The following HDAC9 variants were observed in gnomAD, a reference collection of about 807,000 sequenced individuals.
HDAC9 encodes MEF-2 interacting transcription repressor (MITR) protein.
In HDAC9, 41 loss-of-function variants were observed where a neutral mutation model predicts 139.4. The ratio of observed to expected loss-of-function variants is 0.29; its 90% CI spans 0.23 to 0.38. HDAC9 has a LOEUF of 0.38. Ranked by LOEUF, HDAC9 falls within the 10% of genes least tolerant of loss-of-function variation. The pLI, the probability that HDAC9 is intolerant of heterozygous loss-of-function variation, is 1.00. For missense variants in HDAC9, 1,147 were observed against 1,297.0 expected, an observed-to-expected ratio of 0.88 and a Z score of 1.78; for synonymous variants, 517 against 476.2, an observed-to-expected ratio of 1.09 and a Z score of -1.12.
Position 18,667,955 on chromosome 7 carries a change from G to T in HDAC9, c.1731+1479G>T, listed in dbSNP as rs1795284458. ...CAAATTGACCTAGAATCTTTGTGAGGTTTTTTCTATTAAAATATTTATATT... is the reference window on the plus strand; with the variant it reads ...CAAATTGACCTAGAATCTTTGTGAGTTTTTTTCTATTAAAATATTTATATT... On this transcript the variant is annotated intron_variant, in intron 12 of 25. Transcript: ENST00000686413. 6.2e-6 allele frequency: 6 copies of T among 975,470 alleles called. No homozygotes were observed. In the South Asian group the frequency reaches 2.4e-4, roughly 39 times the overall value. The allele number at this position is 975,470 out of a possible 1,614,324, so 60.4% of individuals were successfully genotyped here.
In HDAC9 at chr7:18,687,729, T is replaced by C. The variant is rs568279394; in HGVS notation, c.1731+21253T>C. On this transcript the variant is annotated intron_variant, in intron 12 of 25. Coordinates refer to ENST00000686413, the MANE Select transcript of HDAC9 (RefSeq NM_178425.4). ...TATCCTGACTCAAAATGAATAGGAA[T>C]TCAGAAAGGGAAGAAGAGGGAAAGC... 3.9e-5 allele frequency among the ~76,000 whole-genome samples: 6 copies of C among 151,982 alleles called. No homozygotes were observed. The South Asian group carries it at 1.2e-3, about 31-fold the overall frequency.
intron 2 of HDAC9, among the ~76,000 whole-genome samples, chr7:18,524,587 G>T (rs949957384): frequency 6.6e-6 from 1 of 152,026 alleles, no homozygotes; most frequent in Non-Finnish European, 1.5e-5. Flanking sequence ...ATAGCATAAC[G>T]TTTAAAAACA....
chr7:18,389,571 C>T (rs572597070), intron 1 of HDAC9, among the ~76,000 whole-genome samples: 2 of 152,164 alleles, frequency 1.3e-5, no homozygotes, highest in Non-Finnish European at 2.9e-5. Context: ...AAGGTTGTCA[C>T]TTTACCTAAC....
intron 17 of HDAC9, among the ~76,000 whole-genome samples, chr7:18,825,024 C>G (rs992278227): frequency 1.3e-5 from 2 of 152,192 alleles, no homozygotes; most frequent in African/African-American, 4.8e-5. Flanking sequence ...GCCACTGGAT[C>G]AATCATGGTA....
intron 25 of HDAC9, among the ~76,000 whole-genome samples, chr7:18,985,631 T>A (rs1226688190): frequency 6.8e-6 from 1 of 147,430 alleles, no homozygotes; most frequent in Non-Finnish European, 1.5e-5. Flanking sequence ...TCTAGATCCC[T>A]GAGGAATCGC....
chr7:18,960,490 T>C (rs7793637), intron 24 of HDAC9, among the ~76,000 whole-genome samples: 2,143 of 152,244 alleles, frequency 0.014, 64 homozygotes, highest in African/African-American at 0.048. Context: ...TAACAACTGA[T>C]ACTAGAAAAG....
intron 2 of HDAC9, among the ~76,000 whole-genome samples, chr7:18,548,096 G>C (rs1241628254): frequency 1.3e-5 from 2 of 151,806 alleles, no homozygotes; most frequent in Admixed American, 1.3e-4. Context: ...GCCATTGTAG[G>C]GTTATTAATT....
At position 19,001,606 on chromosome 7, in the gene HDAC9, C is replaced by A. The variant is rs1442509590; in HGVS notation, c.*5544C>A. On this transcript the variant is annotated 3_prime_UTR_variant, in exon 26 of 26. Coordinates refer to ENST00000686413, the MANE Select transcript of HDAC9 (RefSeq NM_178425.4). ...AAAATCTGAAGTGGAATGGCACTTC[C>A]TTGGGTATGTAAGGGTTGTTTTTAG... 1 of 151,240 alleles carries A rather than the reference C, an allele frequency of 6.6e-6. No homozygotes were observed. Among genetic ancestry groups the A allele is most frequent in the African/African-American group, 2.4e-5 (1 of 41,190 alleles). 9.4% of individuals were successfully genotyped at this position (151,240 alleles called of 1,614,324 possible). A position where few individuals can be genotyped will look rare whatever the true frequency, so the allele number is the denominator to read the frequency against.
At chr7:18,911,570 C>T (rs1802745595) in intron 22 of HDAC9, among the ~76,000 whole-genome samples, 2 of 150,880 alleles carry the variant, frequency 1.3e-5, no homozygotes, top group East Asian at 3.9e-4. Flanking sequence ...TTTGGTTTTT[C>T]TTGCTATTCT....
At chr7:18,695,371 A>G (rs1782970243) in intron 12 of HDAC9, among the ~76,000 whole-genome samples, 1 of 152,174 alleles carries the variant, frequency 6.6e-6, no homozygotes, top group African/African-American at 2.4e-5. Context: ...CTACGATGCT[A>G]ATTATTTAAC....
At chr7:18,798,601 T>C (rs560019023) in intron 17 of HDAC9, among the ~76,000 whole-genome samples, 1 of 152,270 alleles carries the variant, frequency 6.6e-6, no homozygotes, top group East Asian at 1.9e-4. Context: ...TAGAGAATTG[T>C]CATTATTTGA....
intron 1 of HDAC9, among the ~76,000 whole-genome samples, chr7:18,438,959 G>A (rs7802325): frequency 0.015 from 2,331 of 152,132 alleles, 58 homozygotes; most frequent in African/African-American, 0.053. Flanking sequence ...AATTATTTTC[G>A]AACACTGCAT....
At chr7:18,352,466 C>T (rs530949356) in intron 1 of HDAC9, among the ~76,000 whole-genome samples, 1 of 152,204 alleles carries the variant, frequency 6.6e-6, no homozygotes, top group South Asian at 2.1e-4. Flanking sequence ...GTCCTCCTAT[C>T]ATTAATTGAT....
intron 16 of HDAC9, among the ~76,000 whole-genome samples, chr7:18,790,257 A>T (rs531458212): frequency 1.3e-5 from 2 of 152,082 alleles, no homozygotes; most frequent in Non-Finnish European, 1.5e-5. Context: ...GTGCCCTCAA[A>T]ATTTATGTAC....
At chr7:18,991,465 GTC>G (rs1785950084) in intron 25 of HDAC9, among the ~76,000 whole-genome samples, 1 of 152,082 alleles carries the variant, frequency 6.6e-6, no homozygotes, top group South Asian at 2.1e-4. Context: ...GTGAAACCCT[GTC>G]TCTACTAAAA....
chr7:18,822,833 TG>T (rs1269732417), intron 17 of HDAC9, among the ~76,000 whole-genome samples: 8 of 152,210 alleles, frequency 5.3e-5, no homozygotes, highest in African/African-American at 1.9e-4. Context: ...ATTTGTGAAA[TG>T]GGGATAATAA....
At chr7:18,375,485 C>CA (rs199860124) in intron 1 of HDAC9, among the ~76,000 whole-genome samples, 8,291 of 147,146 alleles carry the variant, frequency 0.056, 741 homozygotes, top group African/African-American at 0.19. Context: ...ACAACAACAA[C>CA]AAAAAAAAAA....
chr7:18,991,156 A>G (rs955738776), intron 25 of HDAC9, among the ~76,000 whole-genome samples: 5 of 152,256 alleles, frequency 3.3e-5, no homozygotes, highest in African/African-American at 1.2e-4. Flanking sequence ...ATTCCAACAT[A>G]TGTATATAAA....
intron 1 of HDAC9, among the ~76,000 whole-genome samples, chr7:18,356,357 G>GTTTTTT (rs1562911066): frequency 1.5e-4 from 4 of 27,324 alleles, no homozygotes; most frequent in Non-Finnish European, 2.2e-4. Context: ...GCAGCACATA[G>GTTTTTT]GTTTTTTTTT....
Sources: allele counts gnomAD v4.1 joint callset (sites outside exome capture counted in the v4.1 genomes callset), GRCh38; gene constraint gnomAD v4.1.1; transcripts MANE v1.5; gene names NCBI Gene and HGNC (gene_info 2026-07-23, HGNC 2026-07-21).